The following NRG1 variants were observed in gnomAD, a reference collection of about 807,000 sequenced individuals.
The protein encoded by NRG1 is neuregulin 1.
Under a neutral mutation model 63.8 loss-of-function variants are expected in NRG1, and 18 were observed. That is an observed-to-expected ratio of 0.28 (90% CI 0.19 to 0.42). The LOEUF is 0.42. NRG1 is among the 10% of genes least tolerant of loss of function. The pLI is 1.00. For synonymous variants in NRG1, 302 were observed against 301.3 expected (o/e 1.00, Z -0.02); for missense variants, 762 against 814.7 (o/e 0.94, Z 0.79).
At chr8:32,714,995 A>G (rs1818823102) in intron 5 of NRG1, among the ~76,000 whole-genome samples, 1 of 152,142 alleles carries the variant, frequency 6.6e-6, no homozygotes, top group Non-Finnish European at 1.5e-5. Context: ...TTTTTTTAAG[A>G]CAGGATCTTG....
downstream of NRG1, among the ~76,000 whole-genome samples, chr8:32,770,860 G>A (rs150152203): frequency 5.9e-5 from 9 of 152,200 alleles, no homozygotes; most frequent in East Asian, 9.6e-4. Flanking sequence ...AACACATAGC[G>A]AGTATTCAAA....
chr8:32,157,049 CGT>C (rs34725608), intron 1 of NRG1, among the ~76,000 whole-genome samples: 11,384 of 140,804 alleles, frequency 0.081, 420 homozygotes, highest in Non-Finnish European at 0.088. Context: ...AATTAAAACT[CGT>C]GTGTGTGTGT....
At chr8:32,519,306 C>A (rs1476112223) in intron 1 of NRG1, among the ~76,000 whole-genome samples, 2 of 152,056 alleles carry the variant, frequency 1.3e-5, no homozygotes, top group Non-Finnish European at 2.9e-5. Context: ...TCAATGGATA[C>A]TTTGCCCGTA....
intron 1 of NRG1, among the ~76,000 whole-genome samples, chr8:31,788,598 C>T (rs1820400556): frequency 6.6e-6 from 1 of 152,082 alleles, no homozygotes; most frequent in Non-Finnish European, 1.5e-5. Context: ...CCTAAGGATT[C>T]ATCTTGGTGT....
At chr8:32,490,204 C>A (rs561336222) in intron 1 of NRG1, among the ~76,000 whole-genome samples, 1 of 152,014 alleles carries the variant, frequency 6.6e-6, no homozygotes, top group Admixed American at 6.5e-5. Flanking sequence ...ACAGGGGAGT[C>A]TGAGGTAGGA....
At chr8:32,595,925 C>T (rs765691000) in exon 2 of NRG1, 15 of 1,613,908 alleles carry the variant, frequency 9.3e-6, no homozygotes, top group Non-Finnish European at 1.2e-5. Context: ...ACTCCTCTCT[C>T]AGATTCAAGT....
At chr8:32,556,225 G>C (rs1835148483) in intron 1 of NRG1, among the ~76,000 whole-genome samples, 1 of 152,134 alleles carries the variant, frequency 6.6e-6, no homozygotes, top group Non-Finnish European at 1.5e-5. Context: ...TGACAACTTT[G>C]AAAAAGAATT....
chr8:32,672,337 C>A (rs1292767330), intron 5 of NRG1, among the ~76,000 whole-genome samples: 1 of 152,192 alleles, frequency 6.6e-6, no homozygotes, highest in Non-Finnish European at 1.5e-5. Context: ...AGCCACCATG[C>A]CTGGCCTTCA....
chr8:32,521,627 ATAT>A (rs1270813456), intron 1 of NRG1, among the ~76,000 whole-genome samples: 1 of 152,232 alleles, frequency 6.6e-6, no homozygotes, highest in African/African-American at 2.4e-5. Flanking sequence ...TAATTTTTTA[ATAT>A]TATAAGTTAA....
At chr8:32,579,056 T>C (rs1020059135) in intron 1 of NRG1, among the ~76,000 whole-genome samples, 2 of 152,188 alleles carry the variant, frequency 1.3e-5, no homozygotes, top group African/African-American at 4.8e-5. Flanking sequence ...TAAGTAGTAG[T>C]CACTAGAAAA....
intron 1 of NRG1, among the ~76,000 whole-genome samples, chr8:32,364,811 T>C (rs1047289847): frequency 1.8e-4 from 27 of 152,308 alleles, no homozygotes; most frequent in Admixed American, 1.4e-3. Context: ...GTGTCTGTTC[T>C]TGTATCATTA....
At chr8:32,227,596 T>A (rs1353343154) in intron 1 of NRG1, among the ~76,000 whole-genome samples, 1 of 152,180 alleles carries the variant, frequency 6.6e-6, no homozygotes, top group Non-Finnish European at 1.5e-5. Context: ...TCCTTTCCTT[T>A]CGGAATTTCT....
chr8:32,539,047 A>T (rs561103373), intron 1 of NRG1, among the ~76,000 whole-genome samples: 4 of 152,288 alleles, frequency 2.6e-5, no homozygotes, highest in African/African-American at 9.6e-5. Flanking sequence ...GGTAAGAAAA[A>T]CACAGTTAAA....
intron 1 of NRG1, among the ~76,000 whole-genome samples, chr8:32,307,152 G>A (rs1856281654): frequency 6.6e-6 from 1 of 152,088 alleles, no homozygotes; most frequent in Non-Finnish European, 1.5e-5. Flanking sequence ...GATAAATCAT[G>A]GCAAAAGGAA....
chr8:32,468,820 A>G (rs1823410842), intron 1 of NRG1, among the ~76,000 whole-genome samples: 1 of 151,434 alleles, frequency 6.6e-6, no homozygotes, highest in South Asian at 2.1e-4. Flanking sequence ...ATTTTTAGCC[A>G]CTTCGGTTTT....
chr8:31,963,265 C>A (rs1805769562), intron 1 of NRG1, among the ~76,000 whole-genome samples: 1 of 152,196 alleles, frequency 6.6e-6, no homozygotes, highest in South Asian at 2.1e-4. Context: ...TCCTCCTGGT[C>A]TAATCAACAC....
chr8:32,627,605 GC>G (rs1240100320), intron 5 of NRG1, among the ~76,000 whole-genome samples: 2 of 152,242 alleles, frequency 1.3e-5, no homozygotes, highest in East Asian at 3.9e-4. Context: ...ACCATACCCA[GC>G]TTGCAATTTC....
chr8:32,089,433 C>T (rs1441104218), intron 1 of NRG1, among the ~76,000 whole-genome samples: 1 of 152,158 alleles, frequency 6.6e-6, no homozygotes, highest in Admixed American at 6.5e-5. Flanking sequence ...TTGTTCCCTT[C>T]TGTGGAATAG....
At chr8:32,640,245 TCACACACA>T (rs111977984) in intron 5 of NRG1, among the ~76,000 whole-genome samples, 7 of 147,528 alleles carry the variant, frequency 4.7e-5, no homozygotes, top group South Asian at 2.2e-4. Flanking sequence ...CTTCTTTTTG[TCACACACA>T]CACACACACA....
Sources: gnomAD v4.1 joint callset for allele counts (sites outside exome capture counted in the v4.1 genomes callset) on GRCh38, gnomAD v4.1.1 for gene constraint, MANE v1.5 for transcripts, NCBI Gene and HGNC (gene_info 2026-07-23, HGNC 2026-07-21) for gene names.